The following OSBPL1A variants were observed in gnomAD, a reference collection of about 807,000 sequenced individuals.
OSBPL1A encodes the protein oxysterol binding protein like 1A, also known as oxysterol-binding protein-related protein 1.
A neutral mutation model predicts 137.1 loss-of-function variants in OSBPL1A; 80 were observed. The observed-to-expected ratio is 0.58, with a 90% confidence interval of 0.49 to 0.70. The LOEUF (loss-of-function observed/expected upper bound fraction) is 0.70, where lower values mean the gene tolerates loss of function less well. Ranked by LOEUF, OSBPL1A falls within the 30% of genes least tolerant of loss-of-function variation. The pLI is 0.00. For missense variants in OSBPL1A, 970 were observed against 1,129.4 expected (o/e 0.86, Z 2.02); for synonymous variants, 365 against 389.7 (o/e 0.94, Z 0.75).
intron 18 of OSBPL1A, among the ~76,000 whole-genome samples, chr18:24,192,661 G>A (rs1445355180): frequency 6.6e-6 from 1 of 152,172 alleles, no homozygotes; most frequent in African/African-American, 2.4e-5. Context: ...GAGGAGATGG[G>A]GCAGAGTGAG....
chr18:24,250,410 A>C (rs2089051265), intron 15 of OSBPL1A, among the ~76,000 whole-genome samples: 1 of 152,092 alleles, frequency 6.6e-6, no homozygotes, highest in Non-Finnish European at 1.5e-5. Flanking sequence ...TCCTGACCTC[A>C]TGTGATCCAC....
intron 13 of OSBPL1A, among the ~76,000 whole-genome samples, chr18:24,309,405 A>T (rs1168724679): frequency 6.6e-6 from 1 of 152,136 alleles, no homozygotes; most frequent in Non-Finnish European, 1.5e-5. Context: ...GCTGAACTCA[A>T]ACCCTTGGGC....
chr18:24,234,489 G>C (rs1032734738), intron 16 of OSBPL1A, among the ~76,000 whole-genome samples: 1 of 152,146 alleles, frequency 6.6e-6, no homozygotes, highest in African/African-American at 2.4e-5. Context: ...TTTCGTCACT[G>C]AGCTTACTGG....
At chr18:24,190,334 C>T (rs1312221450) in intron 18 of OSBPL1A, among the ~76,000 whole-genome samples, 1 of 114,280 alleles carries the variant, frequency 8.8e-6, no homozygotes, top group Non-Finnish European at 1.7e-5. Flanking sequence ...TTCACAGTTG[C>T]CCTCTGCTAC....
intron 12 of OSBPL1A, among the ~76,000 whole-genome samples, chr18:24,313,524 T>C (rs963673835): frequency 1.3e-5 from 2 of 152,148 alleles, no homozygotes; most frequent in Admixed American, 6.5e-5. Context: ...GTTTAATTTA[T>C]CACTAGGAAG....
chr18:24,384,644 C>G (rs1371165246), intron 1 of OSBPL1A, among the ~76,000 whole-genome samples: 1 of 151,912 alleles, frequency 6.6e-6, no homozygotes, highest in Admixed American at 6.6e-5. Context: ...CCAAGATGGG[C>G]GGATCACCTG....
intron 14 of OSBPL1A, among the ~76,000 whole-genome samples, chr18:24,293,642 G>A (rs368502956): frequency 1.3e-5 from 2 of 152,164 alleles, no homozygotes; most frequent in Non-Finnish European, 2.9e-5. Context: ...CCAGAAGAGG[G>A]AACAGCACAC....
chr18:24,298,704 C>A (rs576664588), intron 14 of OSBPL1A, among the ~76,000 whole-genome samples: 70 of 152,300 alleles, frequency 4.6e-4, no homozygotes, highest in Middle Eastern at 3.4e-3. Flanking sequence ...GGATTGGGAC[C>A]CCTTTCCTGT....
intron 21 of OSBPL1A, among the ~76,000 whole-genome samples, chr18:24,175,741 T>C (rs993137226): frequency 6.6e-6 from 1 of 152,250 alleles, no homozygotes; most frequent in East Asian, 1.9e-4. Flanking sequence ...GAGTTTCTCC[T>C]ATGTTTTCTT....
chr18:24,368,315 T>C lies in OSBPL1A; in HGVS notation c.179A>G (p.His60Arg). The change falls in exon 3 of 28, where the codon CAC (histidine) becomes CGC (arginine). Residue 60 changes from histidine to arginine, a missense_variant. Physicochemically the swap from His to Arg is conservative, Grantham distance 29 (BLOSUM62 0). Coordinates refer to ENST00000319481, the MANE Select transcript of OSBPL1A (RefSeq NM_080597.4). ...CAACAGATCCTGGACCACTTGTCTG[T>C]GTCCAAAATAGCATGCCAGATGTAG... is the stretch of plus-strand genomic sequence containing the variant. ...TPLHLACYFG[H>R]RQVVQDLLKA... The C allele has an allele frequency of 1.2e-6, 2 of 1,613,538 alleles. No individual in the cohort carries two copies. The highest frequency in any genetic ancestry group is 1.7e-6 in the Non-Finnish European group (2 of 1,179,506).
intron 4 of OSBPL1A, chr18:24,357,269 T>A (rs2091552828): frequency 6.6e-6 from 1 of 151,408 alleles, no homozygotes; most frequent in African/African-American, 2.4e-5. Context: ...GGTAAGGGGG[T>A]GGGTGGGAAA....
At chr18:24,346,711 A>G (rs2091352032) in intron 4 of OSBPL1A, among the ~76,000 whole-genome samples, 1 of 152,146 alleles carries the variant, frequency 6.6e-6, no homozygotes, top group South Asian at 2.1e-4. Flanking sequence ...TTAAATAACT[A>G]ATGAATATTC....
At chr18:24,244,084 T>C (rs2088806148) in intron 15 of OSBPL1A, among the ~76,000 whole-genome samples, 1 of 152,006 alleles carries the variant, frequency 6.6e-6, no homozygotes, top group South Asian at 2.1e-4. Flanking sequence ...AAAAAAGATA[T>C]GCAAAGTGCA....
At chr18:24,163,309 C>G in intron 27 of OSBPL1A, 28 bp from the exon 28 acceptor site, 2 of 1,498,470 alleles carry the variant, frequency 1.3e-6, no homozygotes, top group Non-Finnish European at 1.8e-6. Flanking sequence ...ACAAGACTTA[C>G]AGGGGAAACT....
intron 7 of OSBPL1A, chr18:24,321,778 T>C (rs1714648160): frequency 6.5e-6 from 3 of 460,826 alleles, no homozygotes; most frequent in African/African-American, 4.1e-5. Flanking sequence ...GAAAAAGAGA[T>C]GGCATGATAT....
intron 7 of OSBPL1A, among the ~76,000 whole-genome samples, chr18:24,327,436 G>A (rs960942413): frequency 2.0e-5 from 3 of 151,940 alleles, no homozygotes; most frequent in Non-Finnish European, 2.9e-5. Context: ...TTAAGATGGC[G>A]TCTCATTCTG....
At chr18:24,217,832 T>C (rs573120054) in intron 17 of OSBPL1A, among the ~76,000 whole-genome samples, 30 of 152,292 alleles carry the variant, frequency 2.0e-4, no homozygotes, top group African/African-American at 6.5e-4. Flanking sequence ...TGTGTACCTA[T>C]GAATTTTGTG....
intron 4 of OSBPL1A, among the ~76,000 whole-genome samples, chr18:24,354,521 CCATAGCAACAGCTAAT>C (rs1351225408): frequency 6.6e-6 from 1 of 152,024 alleles, no homozygotes; most frequent in African/African-American, 2.4e-5. Flanking sequence ...CTGGAAGTAA[CCATAGCAACAGCTAAT>C]CATAGCAACA....
chr18:24,227,083 G>A (rs960448424), intron 16 of OSBPL1A, among the ~76,000 whole-genome samples: 3 of 151,884 alleles, frequency 2.0e-5, no homozygotes, highest in Admixed American at 1.3e-4. Context: ...AGTAAAGACG[G>A]GGTTTCACCA....
Sources: allele counts gnomAD v4.1 joint callset (sites outside exome capture counted in the v4.1 genomes callset), GRCh38; gene constraint gnomAD v4.1.1; transcripts MANE v1.5; gene names NCBI Gene and HGNC (gene_info 2026-07-23, HGNC 2026-07-21).